Variants in PTBP2 observed in about 807,000 individuals in gnomAD.
The protein encoded by PTBP2 is polypyrimidine tract binding protein 2.
PTBP2 carries 13 observed loss-of-function variants against 61.4 expected under a neutral mutation model. The observed-to-expected ratio is 0.21, with a 90% CI of 0.14 to 0.34. The LOEUF is 0.34. PTBP2 is among the 10% of genes least tolerant of loss of function. The pLI, the probability that PTBP2 is intolerant of heterozygous loss-of-function variation, is 1.00. For missense variants in PTBP2, 405 were observed against 642.6 expected, an observed-to-expected ratio of 0.63 and a Z score of 4.00; for synonymous variants, 215 against 218.5, an observed-to-expected ratio of 0.98 and a Z score of 0.14.
At chr1:96,727,610 C>T (rs1650759096) in intron 2 of PTBP2, among the ~76,000 whole-genome samples, 1 of 152,128 alleles carries the variant, frequency 6.6e-6, no homozygotes. Context: ...AGTGATATTT[C>T]ACTGTGGATT....
Position 96,791,826 on chromosome 1 carries a change from C to CTTTTTTTT in PTBP2, c.904+6588_904+6595dup, listed in dbSNP as rs1163642886. 9.1e-3 allele frequency among the ~76,000 whole-genome samples: 600 copies of CTTTTTTTT among 65,614 alleles called. 27 individuals carry two copies. The highest frequency in any genetic ancestry group is 0.012 in the South Asian group (20 of 1,722). 43.0% of individuals were successfully genotyped at this position (65,614 alleles called of 152,430 possible). ...TCCACCTCTGTTGCTTGGAGTTGTG[C>CTTTTTTTT]TTTTTTTTTTTTTTTTTTTTTTTGA... On this transcript the variant is annotated intron_variant, in intron 8 of 13. Coordinates refer to ENST00000674951, the MANE Select transcript of PTBP2 (RefSeq NM_021190.4).
chr1:96,764,667 T>G (rs1656449998), intron 3 of PTBP2, among the ~76,000 whole-genome samples: 1 of 152,254 alleles, frequency 6.6e-6, no homozygotes, highest in Non-Finnish European at 1.5e-5. Flanking sequence ...GGTGATGTCA[T>G]TCTTTTTGCT....
At chr1:96,744,083 C>T (rs992925491) in intron 2 of PTBP2, among the ~76,000 whole-genome samples, 2 of 151,830 alleles carry the variant, frequency 1.3e-5, no homozygotes, top group Non-Finnish European at 2.9e-5. Context: ...CCCAGCTACT[C>T]GGGAGGCTGA....
chr1:96,737,254 C>T (rs1652348607), intron 2 of PTBP2, among the ~76,000 whole-genome samples: 1 of 152,196 alleles, frequency 6.6e-6, no homozygotes, highest in Non-Finnish European at 1.5e-5. Context: ...GCGTGAGCCA[C>T]TGCGACCGGC....
intron 1 of PTBP2, among the ~76,000 whole-genome samples, chr1:96,723,299 T>C: frequency 6.6e-6 from 1 of 152,148 alleles, no homozygotes; most frequent in East Asian, 1.9e-4. Flanking sequence ...AATGGCATAG[T>C]GTTTTGGGTT....
chr1:96,738,525 G>C (rs999856743), intron 2 of PTBP2, among the ~76,000 whole-genome samples: 1 of 152,084 alleles, frequency 6.6e-6, no homozygotes, highest in Non-Finnish European at 1.5e-5. Flanking sequence ...CGCCCGCCTC[G>C]GAAATACTTT....
rs996192317 is a variant in PTBP2, at chr1:96,721,822, G to T, written c.-43G>T. The stretch of plus-strand genomic sequence containing the variant: ...TCGCCGCTTGTGTGGCTCGCTGGCT[G>T]CGTGGCTCGGTTCTTGTGAGCGAAG... On this transcript the variant is annotated 5_prime_UTR_variant, in exon 1 of 14. Transcript: ENST00000674951. 1.4e-5 allele frequency: 22 copies of T among 1,555,306 alleles called. No homozygotes were observed. Among genetic ancestry groups the T allele is most frequent in the Non-Finnish European group, 1.8e-5 (21 of 1,149,172 alleles).
At chr1:96,821,530 T>C (rs1662683155) in exon 14 of PTBP2, 1 of 152,162 alleles carries the variant, frequency 6.6e-6, no homozygotes, top group African/African-American at 2.4e-5. Flanking sequence ...TCAAGGAAAA[T>C]AGCTCCTAAA....
exon 14 of PTBP2, chr1:96,820,716 C>T (rs1662659667): frequency 6.6e-6 from 1 of 151,280 alleles, no homozygotes. Flanking sequence ...ATAGTAGTGT[C>T]TATATATTTC....
At chr1:96,791,938 A>G (rs973274259) in intron 8 of PTBP2, among the ~76,000 whole-genome samples, 2 of 144,858 alleles carry the variant, frequency 1.4e-5, no homozygotes, top group East Asian at 2.1e-4. Context: ...GGTTCACGCC[A>G]TTCTCCTGCC....
At chr1:96,767,629 G>A (rs1055036060) in intron 3 of PTBP2, among the ~76,000 whole-genome samples, 10 of 152,140 alleles carry the variant, frequency 6.6e-5, no homozygotes, top group African/African-American at 2.4e-4. Context: ...CTTGTTGACT[G>A]ATGCCGATTG....
intron 2 of PTBP2, among the ~76,000 whole-genome samples, chr1:96,728,609 A>G (rs1470604002): frequency 6.6e-6 from 1 of 152,106 alleles, no homozygotes; most frequent in Non-Finnish European, 1.5e-5. Context: ...TCTTGAAACC[A>G]CTTACTTAGT....
chr1:96,800,451 A>G (rs35137759), intron 8 of PTBP2, among the ~76,000 whole-genome samples: 87,031 of 148,410 alleles, frequency 0.59, 26,304 homozygotes, highest in African/African-American at 0.73. Flanking sequence ...AGGGCTTTAG[A>G]CCAGGTGTTG....
intron 2 of PTBP2, among the ~76,000 whole-genome samples, chr1:96,750,381 T>G (rs569460028): frequency 1.4e-4 from 21 of 149,542 alleles, no homozygotes; most frequent in African/African-American, 5.3e-4. Context: ...TGAAACTGGT[T>G]GTATTTTTCT....
At chr1:96,810,623 A>G (rs897231816) in intron 11 of PTBP2, among the ~76,000 whole-genome samples, 5 of 151,986 alleles carry the variant, frequency 3.3e-5, no homozygotes, top group Admixed American at 2.0e-4. Context: ...CTTTCCCTCC[A>G]TTATCTCAAA....
At chr1:96,822,581 A>T (rs551096538) in exon 14 of PTBP2, 44 of 152,316 alleles carry the variant, frequency 2.9e-4, no homozygotes, top group South Asian at 1.5e-3. Flanking sequence ...TCCCTTTTGA[A>T]TTGATTTAGT....
chr1:96,767,503 G>A (rs1226153182), intron 3 of PTBP2, among the ~76,000 whole-genome samples: 1 of 152,074 alleles, frequency 6.6e-6, no homozygotes, highest in Admixed American at 6.5e-5. Flanking sequence ...GGATTGTGAA[G>A]TATTTGTTCT....
intron 2 of PTBP2, among the ~76,000 whole-genome samples, chr1:96,744,929 C>T (rs953491196): frequency 1.3e-5 from 2 of 152,048 alleles, no homozygotes; most frequent in Admixed American, 6.6e-5. Context: ...TTCTTATTGT[C>T]ATGTTTTATG....
chr1:96,731,894 C>T (rs753428347), intron 2 of PTBP2, among the ~76,000 whole-genome samples: 3 of 152,006 alleles, frequency 2.0e-5, no homozygotes, highest in Non-Finnish European at 4.4e-5. Context: ...GCAAAGTAAT[C>T]GGCCTATTAC....
Sources: gnomAD v4.1 joint callset for allele counts (sites outside exome capture counted in the v4.1 genomes callset) on GRCh38, gnomAD v4.1.1 for gene constraint, MANE v1.5 for transcripts, NCBI Gene and HGNC (gene_info 2026-07-23, HGNC 2026-07-21) for gene names.